Variants in C6orf58 observed in about 807,000 individuals in gnomAD.
C6orf58 encodes the protein chromosome 6 open reading frame 58.
C6orf58 carries 30 observed loss-of-function variants against 37.0 expected under a neutral mutation model. That is an observed-to-expected ratio of 0.81 (90% confidence interval 0.61 to 1.10). The LOEUF is 1.10. Among genes scored for constraint, C6orf58 ranks in the 50% least tolerant of loss-of-function variants. The pLI, the probability that C6orf58 is intolerant of heterozygous loss-of-function variation, is 0.00. For synonymous variants in C6orf58, 143 were observed against 134.1 expected, an observed-to-expected ratio of 1.07 and a Z score of -0.46; for missense variants, 368 against 387.5, an observed-to-expected ratio of 0.95 and a Z score of 0.42.
chr6:127,584,731 A>T (rs1240551098), intron 4 of C6orf58, among the ~76,000 whole-genome samples: 1 of 150,938 alleles, frequency 6.6e-6, no homozygotes, highest in Non-Finnish European at 1.5e-5. Context: ...CTGAGATTGC[A>T]CCACTGCACT....
Position 127,585,460 on chromosome 6 carries a change from A to G in C6orf58, c.674+4178A>G, listed in dbSNP as rs185607118. Among the ~76,000 whole-genome samples the G allele has an allele frequency of 2.6e-4, 39 of 152,350 alleles. 1 individual carries two copies. The East Asian group carries it at 4.2e-3, about 17-fold the overall frequency. On this transcript the variant is annotated intron_variant, in intron 4 of 5. Transcript: ENST00000329722. ...TTAAAGGCAAATGCAGAAAAATTAC[A>G]TAGTTATAGAAAAACCTTCGATCTT...
chr6:127,585,163 T>C (rs1027553854), intron 4 of C6orf58, among the ~76,000 whole-genome samples: 4 of 152,206 alleles, frequency 2.6e-5, no homozygotes, highest in Admixed American at 6.5e-5. Flanking sequence ...TACTTATTAT[T>C]TGACAATGCT....
chr6:127,581,775 C>T (rs1775053414), intron 4 of C6orf58, among the ~76,000 whole-genome samples: 1 of 152,218 alleles, frequency 6.6e-6, no homozygotes, highest in South Asian at 2.1e-4. Context: ...CATATGGAAA[C>T]ACCTTGATTG....
intron 1 of C6orf58, among the ~76,000 whole-genome samples, chr6:127,577,765 A>G (rs1775006159): frequency 6.6e-6 from 1 of 152,122 alleles, no homozygotes; most frequent in Non-Finnish European, 1.5e-5. Context: ...CATTTCACAA[A>G]TATTTGTTGA....
chr6:127,581,749 C>G (rs1404647293), intron 4 of C6orf58, among the ~76,000 whole-genome samples: 19 of 152,036 alleles, frequency 1.2e-4, no homozygotes, highest in Admixed American at 1.2e-3. Context: ...TATTTATAGA[C>G]AGAAAAAGAA....
At chr6:127,583,177 A>G in intron 4 of C6orf58, among the ~76,000 whole-genome samples, 1 of 152,210 alleles carries the variant, frequency 6.6e-6, no homozygotes, top group East Asian at 1.9e-4. Flanking sequence ...TAAACAGGCA[A>G]TCTGAATATT....
chr6:127,577,395 G>A lies in C6orf58; in HGVS notation c.210G>A (p.Gln70=), dbSNP rs753134651. ...GGATGTATAAAATCATATTGAATCA[G>A]ACAGCCAGGTATTTTGCAAAATTTG... is the stretch of plus-strand genomic sequence containing the variant. The part of the protein sequence containing the change: ...RMGMYKIILN[Q]TARYFAKFAP... The change falls in exon 1 of 6, where the codon CAG becomes CAA. Residue 70 remains glutamine, a synonymous_variant. Coordinates refer to ENST00000329722, the MANE Select transcript of C6orf58 (RefSeq NM_001010905.3). The A allele has an allele frequency of 6.2e-7, 1 of 1,613,574 alleles. No homozygotes were observed. Among genetic ancestry groups the A allele is most frequent in the Non-Finnish European group, 8.5e-7 (1 of 1,179,600 alleles).
Position 127,580,262 on chromosome 6 carries a change from C to T in C6orf58, c.389-3C>T. The stretch of plus-strand genomic sequence containing the variant: ...AGTAATAGTAAATCTTTTGTTCTTA[C>T]AGATTTGAATTATTTTCTGTCTTCA... On this transcript the variant is annotated splice_polypyrimidine_tract_variant and splice_region_variant and intron_variant, in intron 2 of 5. Coordinates refer to ENST00000329722, the MANE Select transcript of C6orf58 (RefSeq NM_001010905.3). 1 of 1,601,638 alleles carries T rather than the reference C, an allele frequency of 6.2e-7. No homozygotes were observed. The highest frequency in any genetic ancestry group is 1.1e-5 in the South Asian group (1 of 89,706).
rs769191716 is a variant in C6orf58, at chr6:127,577,182, C to T, written c.-4C>T. On this transcript the variant is annotated 5_prime_UTR_variant, in exon 1 of 6. Coordinates refer to ENST00000329722, the MANE Select transcript of C6orf58 (RefSeq NM_001010905.3). ...CTACGATCGCAATCCCCAGCTCTGG[C>T]ACAATGGCTTTTCTTCCTTCCTGGG... 2 of 1,612,020 alleles carry T rather than the reference C, an allele frequency of 1.2e-6. No individual in the cohort carries two copies.
chr6:127,580,363 A>G lies in C6orf58; in HGVS notation c.487A>G (p.Lys163Glu), dbSNP rs1775036134. 1.2e-6 allele frequency: 2 copies of G among 1,613,192 alleles called. No homozygotes were observed. Among genetic ancestry groups the G allele is most frequent in the Admixed American group, 1.7e-5 (1 of 59,938 alleles). ...SDQVRLLPPP[K>E]NERKFCYDVS... ...CCAAGTCAGGCTTTTGCCCCCACCC[A>G]AGAATGAGAGGAAGTTTTGTTATGA... is the stretch of plus-strand genomic sequence containing the variant. The change falls in exon 3 of 6, where the codon AAG becomes GAG. Residue 163 changes from lysine to glutamate, a missense_variant. By Grantham distance (56) the Lys-to-Glu change is moderately conservative (BLOSUM62 1). Transcript: ENST00000329722.
At chr6:127,588,703 T>A (rs1174374113) in intron 4 of C6orf58, among the ~76,000 whole-genome samples, 2 of 152,174 alleles carry the variant, frequency 1.3e-5, no homozygotes, top group East Asian at 3.9e-4. Flanking sequence ...ATTTGAAGAG[T>A]TTATTATTGA....
chr6:127,582,344 C>A (rs1043089325), intron 4 of C6orf58, among the ~76,000 whole-genome samples: 1 of 152,054 alleles, frequency 6.6e-6, no homozygotes, highest in African/African-American at 2.4e-5. Context: ...ATGAATTGAA[C>A]CAACATAAAT....
In C6orf58 at chr6:127,588,262, G is replaced by T. The variant is rs191370323; in HGVS notation, c.675-1825G>T. Among the ~76,000 whole-genome samples the T allele has an allele frequency of 5.9e-5, 9 of 152,174 alleles. No homozygotes were observed. The East Asian group carries it at 1.7e-3, about 29-fold the overall frequency. On this transcript the variant is annotated intron_variant, in intron 4 of 5. Coordinates refer to ENST00000329722, the MANE Select transcript of C6orf58 (RefSeq NM_001010905.3). ...TTCAAGTTTATGCTATGTCAAAATC[G>T]TTAATATTGTATTTTTTAAGTCAAG...
In C6orf58 at chr6:127,589,338, G is replaced by A. The variant is rs953674062; in HGVS notation, c.675-749G>A. Among the ~76,000 whole-genome samples the A allele has an allele frequency of 3.9e-5, 6 of 152,186 alleles. No individual in the cohort carries two copies. The South Asian group carries it at 8.3e-4, about 21-fold the overall frequency. ...CTGAACCACATGGTGAGTACACAAT[G>A]TCTCAGGGAGAACAAGTCTGTTTGC... On this transcript the variant is annotated intron_variant, in intron 4 of 5. Coordinates refer to ENST00000329722, the MANE Select transcript of C6orf58 (RefSeq NM_001010905.3).
intron 4 of C6orf58, 113 bp downstream of exon 4, chr6:127,581,395 A>G: frequency 2.5e-6 from 1 of 397,350 alleles, no homozygotes; most frequent in Non-Finnish European, 4.4e-6. Context: ...ATTAAATAAT[A>G]AGCCTAACCA....
At chr6:127,583,557 G>A (rs1249895988) in intron 4 of C6orf58, among the ~76,000 whole-genome samples, 2 of 152,146 alleles carry the variant, frequency 1.3e-5, no homozygotes, top group African/African-American at 4.8e-5. Flanking sequence ...TCTCCGATGG[G>A]TGTACAGTCC....
intron 4 of C6orf58, among the ~76,000 whole-genome samples, chr6:127,585,957 T>G (rs1775102078): frequency 6.6e-6 from 1 of 152,212 alleles, no homozygotes; most frequent in Non-Finnish European, 1.5e-5. Flanking sequence ...ATATTATAGC[T>G]TTTCTTACCA....
intron 1 of C6orf58, among the ~76,000 whole-genome samples, chr6:127,578,032 G>T (rs541977703): frequency 6.6e-6 from 1 of 152,194 alleles, no homozygotes; most frequent in African/African-American, 2.4e-5. Context: ...AGATACTTTT[G>T]TTCTGGTTGA....
At chr6:127,589,236 C>T (rs1227988001) in intron 4 of C6orf58, among the ~76,000 whole-genome samples, 1 of 152,084 alleles carries the variant, frequency 6.6e-6, no homozygotes. Flanking sequence ...TAGATTCCAC[C>T]TCAGGTGGGC....
Sources: allele counts gnomAD v4.1 joint callset (sites outside exome capture counted in the v4.1 genomes callset), GRCh38; gene constraint gnomAD v4.1.1; transcripts MANE v1.5; gene names NCBI Gene and HGNC (gene_info 2026-07-23, HGNC 2026-07-21).